Variants in PCDHGA3 observed in about 807,000 individuals in gnomAD.
PCDHGA3 encodes the protein protocadherin gamma subfamily A, 3.
A neutral mutation model predicts 58.5 loss-of-function variants in PCDHGA3; 40 were observed. That is an observed-to-expected ratio of 0.68 (90% CI 0.53 to 0.89). PCDHGA3 has a LOEUF of 0.89. Among genes scored for constraint, PCDHGA3 ranks in the 40% least tolerant of loss-of-function variants. The pLI, the probability that PCDHGA3 is intolerant of heterozygous loss-of-function variation, is 0.00. For missense variants in PCDHGA3, 1,223 were observed against 1,195.9 expected (o/e 1.02, Z -0.33); for synonymous variants, 530 against 525.7 (o/e 1.01, Z -0.11).
chr5:141,376,476 T>C (rs1772728633), intron 1 of PCDHGA3: 19 of 1,614,192 alleles, frequency 1.2e-5, no homozygotes, highest in Middle Eastern at 1.6e-4. Context: ...CAGGATTTAC[T>C]TGAAACGAAA....
chr5:141,489,166 C>A lies in PCDHGA3; in HGVS notation c.2425-5641C>A. The A allele has an allele frequency of 9.1e-7, 1 of 1,099,536 alleles. No individual in the cohort carries two copies. The highest frequency in any genetic ancestry group is 1.3e-6 in the Non-Finnish European group (1 of 761,554). The allele number at this position is 1,099,536 out of a possible 1,614,324, so 68.1% of individuals were successfully genotyped here. ...AAGGAGACATAAGAGACTTCAGCTGCTGCATTCCAAGCCCTGGGTCTACCT... is the reference window on the plus strand; with the variant it reads ...AAGGAGACATAAGAGACTTCAGCTGATGCATTCCAAGCCCTGGGTCTACCT... On this transcript the variant is annotated intron_variant, in intron 1 of 3. Transcript: ENST00000253812. This position sits in a 1 kb window ranked among gnomAD's most constrained non-coding sequence, Gnocchi z 4.5.
At position 141,511,076 on chromosome 5, in the gene PCDHGA3, A is replaced by G. The variant is rs201009079; in HGVS notation, c.2702A>G (p.Asn901Ser). 19 of 1,614,218 alleles carry G rather than the reference A, an allele frequency of 1.2e-5. No individual in the cohort carries two copies. In the East Asian group the frequency reaches 3.6e-4, roughly 30 times the overall value. ...CAGAATGTCTACATCCCAGGCAGCA[A>G]TGCCACACTGACCAACGCAGCTGGC... ...YRQNVYIPGS[N>S]ATLTNAAGKR... Residue 901 changes from asparagine (N) to serine (S), a missense_variant, in exon 4 of 4, where the codon AAT (asparagine) becomes AGT (serine). Coordinates refer to ENST00000253812, the MANE Select transcript of PCDHGA3 (RefSeq NM_018916.4).
rs373430964 is a variant in PCDHGA3, at chr5:141,374,999, A to G, written c.2424+28542A>G. The G allele has an allele frequency of 1.1e-5, 17 of 1,613,928 alleles. No homozygotes were observed. The African/African-American group carries it at 2.1e-4, about 20-fold the overall frequency. On this transcript the variant is annotated intron_variant, in intron 1 of 3. Transcript: ENST00000253812. ...GACTGGAGAAATTTCAACTTCTGCA[A>G]ATCTAGACTATGAGGACTCGAGTTT...
chr5:141,463,208 C>G (rs895284460), intron 1 of PCDHGA3, among the ~76,000 whole-genome samples: 1 of 152,090 alleles, frequency 6.6e-6, no homozygotes, highest in African/African-American at 2.4e-5. Flanking sequence ...CTTGGGGATC[C>G]ATATTAATAT....
Position 141,490,400 on chromosome 5 carries a change from T to A in PCDHGA3, c.2425-4407T>A. On this transcript the variant is annotated intron_variant, in intron 1 of 3. Coordinates refer to ENST00000253812, the MANE Select transcript of PCDHGA3 (RefSeq NM_018916.4). This position sits in a 1 kb window ranked among gnomAD's most constrained non-coding sequence, Gnocchi z 5.4. ...TCAGGTAGAAATGGTGAAGTGAGCC[T>A]TGATATCTCTCCGGACCTGCCATTT... The A allele has an allele frequency of 6.2e-7, 1 of 1,614,202 alleles. No homozygotes were observed. Among genetic ancestry groups the A allele is most frequent in the Non-Finnish European group, 8.5e-7 (1 of 1,180,032 alleles).
chr5:141,472,364 AC>A (rs2099278314), intron 1 of PCDHGA3, among the ~76,000 whole-genome samples: 1 of 151,866 alleles, frequency 6.6e-6, no homozygotes, highest in Non-Finnish European at 1.5e-5. Flanking sequence ...ACACGGTGAA[AC>A]CCCGTCTCCA....
At chr5:141,415,935 C>T (rs2095972319) in intron 1 of PCDHGA3, 1 of 601,888 alleles carries the variant, frequency 1.7e-6, no homozygotes, top group Non-Finnish European at 2.4e-6. Flanking sequence ...TTTATATTTC[C>T]TCCTGGGTGG....
At position 141,399,661 on chromosome 5, in the gene PCDHGA3, G is replaced by T. The variant is rs1021211609; in HGVS notation, c.2424+53204G>T. The T allele has an allele frequency of 6.8e-6, 11 of 1,613,526 alleles. No individual in the cohort carries two copies. Among genetic ancestry groups the T allele is most frequent in the Non-Finnish European group, 9.3e-6 (11 of 1,179,892 alleles). ...GAGCGCGCAAAGTGGGGTGGTGTTC[G>T]CGCAGCGCGCCTTTGACTACGAGCA... On this transcript the variant is annotated intron_variant, in intron 1 of 3. Transcript: ENST00000253812.
rs17097297 is a variant in PCDHGA3 at position 141,426,366 on chromosome 5, G to C, written c.2425-68441G>C. 737 of 204,832 alleles carry C rather than the reference G, an allele frequency of 3.6e-3. 4 individuals are homozygous for C. The highest frequency in any genetic ancestry group is 0.015 in the African/African-American group (666 of 43,954). 12.7% of individuals were successfully genotyped at this position (204,832 alleles called of 1,614,324 possible). Reference sequence around the variant, plus strand: ...CTTTCCTGCTGCCTTTGTTCTGCGGGGCACCCTCGGAGCAGATCCGCTACT... The same window carrying C: ...CTTTCCTGCTGCCTTTGTTCTGCGGCGCACCCTCGGAGCAGATCCGCTACT... On this transcript the variant is annotated intron_variant, in intron 1 of 3. Transcript: ENST00000253812.
rs969397099 is a variant in PCDHGA3, at chr5:141,477,807, C to T, written c.2425-17000C>T. 6.2e-6 allele frequency: 10 copies of T among 1,613,932 alleles called. No homozygotes were observed. Among genetic ancestry groups the T allele is most frequent in the African/African-American group, 1.3e-5 (1 of 74,922 alleles). ...TTTGTCACTGATCGCAATGACAATG[C>T]CCCCCAGGTCCTATATCCTCGGCCA... is the stretch of plus-strand genomic sequence containing the variant. On this transcript the variant is annotated intron_variant, in intron 1 of 3. Transcript: ENST00000253812. The surrounding 1 kb of genome is among the most constrained non-coding windows in gnomAD (Gnocchi z 4.9).
chr5:141,482,503 C>A (rs375429072), intron 1 of PCDHGA3, among the ~76,000 whole-genome samples: 2 of 136,154 alleles, frequency 1.5e-5, no homozygotes, highest in South Asian at 4.4e-4. Context: ...CATTCTGGTA[C>A]CCAGAGTACA....
intron 1 of PCDHGA3, chr5:141,388,620 G>A (rs2091421768): frequency 6.2e-7 from 1 of 1,613,912 alleles, no homozygotes; most frequent in East Asian, 2.2e-5. Flanking sequence ...CAGTCAAGAC[G>A]TATACAGGGT....
rs2149739427 is a variant in PCDHGA3, at chr5:141,346,051, C to A, written c.2018C>A (p.Ala673Asp). ...AVADRIPDILADLGSLEPSAK... is the reference protein window; with the variant it reads ...AVADRIPDILDDLGSLEPSAK... ...GCCGACAGGATCCCCGACATCCTGG[C>A]CGACCTGGGCAGCCTCGAGCCCTCC... Residue 673 changes from alanine to aspartate, a missense_variant, in exon 1 of 4, where the codon GCC becomes GAC. Ala to Asp is a moderately radical substitution (Grantham distance 126, BLOSUM62 -2). Transcript: ENST00000253812. 4 of 1,613,598 alleles carry A rather than the reference C, an allele frequency of 2.5e-6. No homozygotes were observed. The highest frequency in any genetic ancestry group is 2.2e-5 in the South Asian group (2 of 91,036).
intron 1 of PCDHGA3, among the ~76,000 whole-genome samples, chr5:141,353,876 T>C (rs1308614593): frequency 1.3e-5 from 2 of 152,224 alleles, no homozygotes; most frequent in African/African-American, 4.8e-5. Context: ...TCTCTCAAAG[T>C]CTGAGGGTTT....
At chr5:141,364,174 C>T in intron 1 of PCDHGA3, 6 of 816,492 alleles carry the variant, frequency 7.3e-6, no homozygotes, top group Non-Finnish European at 1.1e-5. Flanking sequence ...CCCGACTCTG[C>T]TCCCTCCATA....
At chr5:141,452,673 G>A (rs2098746812) in intron 1 of PCDHGA3, among the ~76,000 whole-genome samples, 1 of 151,896 alleles carries the variant, frequency 6.6e-6, no homozygotes, top group Non-Finnish European at 1.5e-5. Flanking sequence ...CTCCAGCCTA[G>A]GCCACAGAAT....
intron 1 of PCDHGA3, among the ~76,000 whole-genome samples, chr5:141,468,824 C>A (rs1288506117): frequency 6.6e-6 from 1 of 152,010 alleles, no homozygotes; most frequent in Non-Finnish European, 1.5e-5. Flanking sequence ...CAAGATCAAG[C>A]CACTGCACTC....
At chr5:141,420,101 T>C (rs1160215468) in intron 1 of PCDHGA3, 1 of 1,613,928 alleles carries the variant, frequency 6.2e-7, no homozygotes, top group Non-Finnish European at 8.5e-7. Flanking sequence ...TGAGGGAACG[T>C]TGCCCTATGC....
chr5:141,372,682 C>T, intron 1 of PCDHGA3: 1 of 1,614,010 alleles, frequency 6.2e-7, no homozygotes, highest in Non-Finnish European at 8.5e-7. Flanking sequence ...TCCTCAAACA[C>T]CGAGTTTAAA....
Sources: gnomAD v4.1 joint callset for allele counts (sites outside exome capture counted in the v4.1 genomes callset) on GRCh38, gnomAD v4.1.1 for gene constraint, Gnocchi (gnomAD v3.1) non-coding constraint, MANE v1.5 for transcripts, NCBI Gene and HGNC (gene_info 2026-07-23, HGNC 2026-07-21) for gene names.